SCP2: variants seen among roughly 807,000 people sequenced by gnomAD.
SCP2 encodes SCP-2/3-oxoacyl-CoA thiolase.
Under a neutral mutation model 71.4 loss-of-function variants are expected in SCP2, and 48 were observed. The ratio of observed to expected loss-of-function variants is 0.67; its 90% CI spans 0.53 to 0.86. The LOEUF (loss-of-function observed/expected upper bound fraction) is 0.86, where lower values mean the gene tolerates loss of function less well. Among genes scored for constraint, SCP2 ranks in the 40% least tolerant of loss-of-function variants. The pLI is 0.00. For missense variants in SCP2, 560 were observed against 655.6 expected (o/e 0.85, Z 1.59); for synonymous variants, 220 against 218.1 (o/e 1.01, Z -0.08).
At chr1:53,028,883 C>G (rs1383248025) in intron 13 of SCP2, among the ~76,000 whole-genome samples, 2 of 152,084 alleles carry the variant, frequency 1.3e-5, no homozygotes, top group East Asian at 3.9e-4. Flanking sequence ...TCAAGTGATT[C>G]TTGTTCCTCT....
intron 5 of SCP2, among the ~76,000 whole-genome samples, chr1:52,961,271 T>G (rs1656419115): frequency 6.7e-6 from 1 of 148,616 alleles, no homozygotes; most frequent in Admixed American, 6.7e-5. Context: ...TGGCACATAC[T>G]GGATGCCCAA....
At chr1:53,037,904 A>ACACACACACCCC (rs1553155260) in intron 13 of SCP2, among the ~76,000 whole-genome samples, 6 of 127,312 alleles carry the variant, frequency 4.7e-5, no homozygotes, top group African/African-American at 1.7e-4. Flanking sequence ...ACACACACAC[A>ACACACACACCCC]CACACACACA....
rs771433635 is a variant in SCP2 at position 52,934,592 on chromosome 1, C to CTTTTTTTTTTTTT, written c.69+7153_69+7165dup. ...GTTTCAAATTCTACATTCCAGCTAACTTTTTTTTTTTTTTTTTTTTTTTTT... is the reference window on the plus strand; with the variant it reads ...GTTTCAAATTCTACATTCCAGCTAACTTTTTTTTTTTTTTTTTTTTTTTTTTTTTTTTTTTTTT... On this transcript the variant is annotated intron_variant, in intron 1 of 15. Coordinates refer to ENST00000371514, the MANE Select transcript of SCP2 (RefSeq NM_002979.5). 1.8e-3 allele frequency among the ~76,000 whole-genome samples: 53 copies of CTTTTTTTTTTTTT among 29,056 alleles called. 17 individuals are homozygous for CTTTTTTTTTTTTT. Among genetic ancestry groups the CTTTTTTTTTTTTT allele is most frequent in the Non-Finnish European group, 2.2e-3 (32 of 14,468 alleles). The allele number at this position is 29,056 out of a possible 152,430, so 19.1% of individuals were successfully genotyped here. A position where few individuals can be genotyped will look rare whatever the true frequency, so the allele number is the denominator to read the frequency against.
intron 5 of SCP2, among the ~76,000 whole-genome samples, chr1:52,958,513 G>A (rs569064820): frequency 6.6e-6 from 1 of 152,224 alleles, no homozygotes; most frequent in Admixed American, 6.5e-5. Context: ...TTACAAGTAT[G>A]AGGCACCGCG....
At chr1:53,039,642 G>A (rs761987689) in intron 14 of SCP2, among the ~76,000 whole-genome samples, 26 of 152,248 alleles carry the variant, frequency 1.7e-4, no homozygotes, top group Non-Finnish European at 2.6e-4. Flanking sequence ...ACACTTACAC[G>A]TTTTCCTTAC....
chr1:52,946,925 G>T (rs916611738), intron 2 of SCP2, among the ~76,000 whole-genome samples: 4 of 151,598 alleles, frequency 2.6e-5, no homozygotes, highest in Admixed American at 1.3e-4. Flanking sequence ...GGTGGTAGGC[G>T]CCTATTATTC....
chr1:53,033,793 A>G (rs1038669041), intron 13 of SCP2, among the ~76,000 whole-genome samples: 3 of 152,230 alleles, frequency 2.0e-5, no homozygotes, highest in African/African-American at 7.2e-5. Context: ...CCCAGCAATT[A>G]CACTTCTAGA....
intron 14 of SCP2, among the ~76,000 whole-genome samples, chr1:53,044,406 T>C (rs1663650326): frequency 6.6e-6 from 1 of 152,240 alleles, no homozygotes; most frequent in Admixed American, 6.5e-5. Context: ...TTAGCTATTA[T>C]GACATAATTT....
At chr1:52,968,294 G>A (rs57619703) in intron 6 of SCP2, among the ~76,000 whole-genome samples, 10,121 of 152,100 alleles carry the variant, frequency 0.067, 579 homozygotes, top group East Asian at 0.21. Flanking sequence ...TTCCCTTGAT[G>A]AAATTAGCTG....
chr1:52,973,730 T>C (rs567978024), intron 6 of SCP2, among the ~76,000 whole-genome samples: 4 of 152,300 alleles, frequency 2.6e-5, no homozygotes, highest in Non-Finnish European at 4.4e-5. Context: ...TATGCCACTA[T>C]ACCTAGCTAA....
At chr1:52,966,529 T>C (rs1656969131) in intron 6 of SCP2, among the ~76,000 whole-genome samples, 1 of 151,666 alleles carries the variant, frequency 6.6e-6, no homozygotes, top group Non-Finnish European at 1.5e-5. Flanking sequence ...TTCAAATCAT[T>C]ATTTGTAAGT....
At chr1:53,006,350 A>G (rs553205686) in intron 11 of SCP2, among the ~76,000 whole-genome samples, 2 of 152,204 alleles carry the variant, frequency 1.3e-5, no homozygotes, top group African/African-American at 2.4e-5. Flanking sequence ...AGTTGAAATG[A>G]AGGAAAAAAT....
chr1:52,934,493 G>T (rs1414068511), intron 1 of SCP2, among the ~76,000 whole-genome samples: 1 of 142,686 alleles, frequency 7.0e-6, no homozygotes, highest in African/African-American at 2.6e-5. Context: ...TGGATCCATT[G>T]AATGGATCAG....
At chr1:53,048,615 AG>A (rs1663992472) in intron 15 of SCP2, 1 of 156,402 alleles carries the variant, frequency 6.4e-6, no homozygotes, top group Non-Finnish European at 1.4e-5. Context: ...AAAGCATCAA[AG>A]CACATCTTAT....
rs927253525 is a variant in SCP2, at chr1:52,995,369, C to T, written c.1081+7233C>T. 1.8e-4 allele frequency: 85 copies of T among 469,738 alleles called. 1 individual carries two copies. In the Middle Eastern group the frequency reaches 2.1e-3, roughly 12 times the overall value. The allele number at this position is 469,738 out of a possible 1,614,324, so 29.1% of individuals were successfully genotyped here. A position where few individuals can be genotyped will look rare whatever the true frequency, so the allele number is the denominator to read the frequency against. On this transcript the variant is annotated intron_variant, in intron 11 of 15. Coordinates refer to ENST00000371514, the MANE Select transcript of SCP2 (RefSeq NM_002979.5). ...TGCTCCCGCACTTTGAAGCTGACCA[C>T]ACCAAACTATGGGGACTTGAACCAC...
chr1:53,020,696 C>G (rs1382996998), intron 12 of SCP2, among the ~76,000 whole-genome samples: 1 of 152,146 alleles, frequency 6.6e-6, no homozygotes, highest in Non-Finnish European at 1.5e-5. Context: ...ATATCCAACT[C>G]ATTGAAGCCT....
At chr1:52,960,618 A>ATATG (rs1287700181) in intron 5 of SCP2, among the ~76,000 whole-genome samples, 1 of 145,516 alleles carries the variant, frequency 6.9e-6, no homozygotes, top group Non-Finnish European at 1.5e-5. Context: ...ATATATGTAT[A>ATATG]TATGTATGTA....
chr1:52,982,456 A>G (rs1454918233), intron 10 of SCP2, among the ~76,000 whole-genome samples: 7 of 152,026 alleles, frequency 4.6e-5, no homozygotes, highest in Non-Finnish European at 8.8e-5. Context: ...TGTAGTCCCA[A>G]CTACTTGGGA....
chr1:52,932,827 T>C (rs906196217), intron 1 of SCP2, among the ~76,000 whole-genome samples: 2 of 152,216 alleles, frequency 1.3e-5, no homozygotes, highest in Non-Finnish European at 2.9e-5. Flanking sequence ...GCTTAAAATA[T>C]GTAAATAAAT....
Sources: allele counts gnomAD v4.1 joint callset (sites outside exome capture counted in the v4.1 genomes callset), GRCh38; gene constraint gnomAD v4.1.1; transcripts MANE v1.5; gene names NCBI Gene and HGNC (gene_info 2026-07-23, HGNC 2026-07-21).